The following SLC2A9 variants were observed in gnomAD, a reference collection of about 807,000 sequenced individuals.
The protein encoded by SLC2A9 is solute carrier family 2 member 9.
A neutral mutation model predicts 50.6 loss-of-function variants in SLC2A9; 39 were observed. The observed-to-expected ratio is 0.77, with a 90% CI of 0.60 to 1.01. SLC2A9 has a LOEUF of 1.01. Ranked by LOEUF, SLC2A9 falls within the 50% of genes least tolerant of loss-of-function variation. The probability of loss-of-function intolerance (pLI) is 0.00; values close to 1 mark genes in which losing one functional copy is unlikely to be tolerated. For synonymous variants in SLC2A9, 324 were observed against 276.9 expected (o/e 1.17, Z -1.69); for missense variants, 686 against 677.6 (o/e 1.01, Z -0.14).
intron 3 of SLC2A9, among the ~76,000 whole-genome samples, chr4:9,817,168 G>A (rs1414776795): frequency 1.3e-5 from 2 of 152,016 alleles, no homozygotes; most frequent in Non-Finnish European, 2.9e-5. Context: ...GAGGACATTG[G>A]GTTTACCCAG....
chr4:9,895,937 T>C (rs980512022), intron 8 of SLC2A9, among the ~76,000 whole-genome samples: 1 of 152,258 alleles, frequency 6.6e-6, no homozygotes, highest in African/African-American at 2.4e-5. Flanking sequence ...ATCCTTCTTG[T>C]AGTACATATC....
At chr4:9,983,539 C>A (rs1289221048) in intron 4 of SLC2A9, among the ~76,000 whole-genome samples, 1 of 152,154 alleles carries the variant, frequency 6.6e-6, no homozygotes, top group Non-Finnish European at 1.5e-5. Context: ...TGAGACCAGG[C>A]CACCTGCTAA....
At chr4:9,772,765 C>A (rs1160831772) in intron 1 of SLC2A9, among the ~76,000 whole-genome samples, 1 of 152,136 alleles carries the variant, frequency 6.6e-6, no homozygotes, top group Non-Finnish European at 1.5e-5. Context: ...TACAGCATCT[C>A]ATTTACCCAT....
chr4:9,823,594 T>C (rs976358939), downstream of SLC2A9, among the ~76,000 whole-genome samples: 3 of 152,214 alleles, frequency 2.0e-5, no homozygotes, highest in Admixed American at 1.3e-4. Context: ...TATTCCATTC[T>C]ACTCATTTGT....
chr4:9,838,789 T>C (rs1311198773), intron 10 of SLC2A9, among the ~76,000 whole-genome samples: 1 of 152,194 alleles, frequency 6.6e-6, no homozygotes, highest in Non-Finnish European at 1.5e-5. Context: ...TTGGGATAAA[T>C]GGCTAGCCAT....
chr4:10,013,331 T>C (rs1324914387), intron 2 of SLC2A9, among the ~76,000 whole-genome samples: 2 of 152,246 alleles, frequency 1.3e-5, no homozygotes, highest in Non-Finnish European at 2.9e-5. Context: ...CCCTTGTGGA[T>C]GCACGAGGTG....
chr4:9,826,215 G>A, downstream of SLC2A9: 1 of 634,490 alleles, frequency 1.6e-6, no homozygotes, highest in Non-Finnish European at 2.7e-6. Context: ...TGCTAACACA[G>A]TTGCAATGTT....
intron 10 of SLC2A9, among the ~76,000 whole-genome samples, chr4:9,844,668 T>G (rs905944454): frequency 6.6e-6 from 1 of 152,248 alleles, no homozygotes; most frequent in African/African-American, 2.4e-5. Context: ...ACAACCAAGC[T>G]GTCTTGTGGC....
intron 7 of SLC2A9, among the ~76,000 whole-genome samples, chr4:9,911,096 T>G (rs1027879946): frequency 1.3e-5 from 2 of 152,060 alleles, no homozygotes; most frequent in Non-Finnish European, 2.9e-5. Flanking sequence ...CGTGTATACC[T>G]ATGTAACAAA....
downstream of SLC2A9, among the ~76,000 whole-genome samples, chr4:9,776,870 G>T (rs1302872422): frequency 2.0e-5 from 3 of 152,122 alleles, no homozygotes; most frequent in Non-Finnish European, 4.4e-5. Flanking sequence ...TGGCAACAGG[G>T]CTCACCTCCT....
At chr4:9,954,837 C>A (rs2108873663) in intron 5 of SLC2A9, among the ~76,000 whole-genome samples, 1 of 151,920 alleles carries the variant, frequency 6.6e-6, no homozygotes, top group East Asian at 1.9e-4. Context: ...TAAACTGTCT[C>A]TCTAAAATAA....
chr4:9,997,353 G>T (rs1282535662), intron 2 of SLC2A9, among the ~76,000 whole-genome samples: 1 of 152,152 alleles, frequency 6.6e-6, no homozygotes, highest in African/African-American at 2.4e-5. Context: ...GAGCTTCATA[G>T]CTGGGCTTCT....
At chr4:9,931,962 C>CTATATATATATATATATATA (rs61538689) in intron 6 of SLC2A9, among the ~76,000 whole-genome samples, 2 of 14,580 alleles carry the variant, frequency 1.4e-4, no homozygotes, top group Non-Finnish European at 2.2e-4. Flanking sequence ...CTCTCTCTCT[C>CTATATATATATATATATATA]TATATATATA....
intron 1 of SLC2A9, among the ~76,000 whole-genome samples, chr4:9,773,134 T>C (rs1054033219): frequency 6.6e-6 from 1 of 152,222 alleles, no homozygotes; most frequent in Admixed American, 6.5e-5. Flanking sequence ...TCCTTGCTCC[T>C]GAACTGGGAA....
intron 3 of SLC2A9, among the ~76,000 whole-genome samples, chr4:9,815,909 C>T (rs1239628873): frequency 9.9e-5 from 15 of 152,176 alleles, no homozygotes. Flanking sequence ...GTAGTTCACG[C>T]CTGTAATCCC....
intron 10 of SLC2A9, among the ~76,000 whole-genome samples, chr4:9,867,525 T>C (rs1725013813): frequency 6.6e-6 from 1 of 152,022 alleles, no homozygotes; most frequent in Non-Finnish European, 1.5e-5. Flanking sequence ...AAGATGATGA[T>C]GATTATTTTG....
At chr4:10,038,065 T>TC (rs1764164467) in intron 1 of SLC2A9, among the ~76,000 whole-genome samples, 1 of 152,118 alleles carries the variant, frequency 6.6e-6, no homozygotes, top group Admixed American at 6.5e-5. Context: ...AGACAAGGTG[T>TC]CCCCATCACA....
At chr4:9,778,051 T>TC (rs1577242833), downstream of SLC2A9, among the ~76,000 whole-genome samples, 121 of 3,608 alleles carry the variant, frequency 0.034, 1 homozygote, top group African/African-American at 0.077. Flanking sequence ...TTTCTTTCTT[T>TC]CTTTCCTTCC....
intron 11 of SLC2A9, among the ~76,000 whole-genome samples, chr4:9,830,127 C>T (rs761597960): frequency 9.9e-5 from 15 of 152,060 alleles, no homozygotes; most frequent in Non-Finnish European, 2.1e-4. Context: ...TGTGCATCAA[C>T]GATAGACTGG....
Sources: allele counts gnomAD v4.1 joint callset (sites outside exome capture counted in the v4.1 genomes callset), GRCh38; gene constraint gnomAD v4.1.1; transcripts MANE v1.5; gene names NCBI Gene and HGNC (gene_info 2026-07-23, HGNC 2026-07-21).